FGF14: variants seen among roughly 807,000 people sequenced by gnomAD.
FGF14 encodes fibroblast growth factor homologous factor 4.
Under a neutral mutation model 25.5 loss-of-function variants are expected in FGF14, and 5 were observed. The ratio of observed to expected loss-of-function variants is 0.20; its 90% CI spans 0.10 to 0.41. The LOEUF (loss-of-function observed/expected upper bound fraction) is 0.41, where lower values mean the gene tolerates loss of function less well. Among genes scored for constraint, FGF14 ranks in the 10% least tolerant of loss-of-function variants. FGF14 has a pLI of 1.00. For missense variants in FGF14, 222 were observed against 320.1 expected (o/e 0.69, Z 2.34); for synonymous variants, 138 against 118.3 (o/e 1.17, Z -1.08).
At chr13:102,008,378 T>C (rs142375050) in intron 1 of FGF14, among the ~76,000 whole-genome samples, 1,813 of 152,334 alleles carry the variant, frequency 0.012, 18 homozygotes, top group Middle Eastern at 0.027. Context: ...CTGTTGACTG[T>C]TCATTTGATG....
intron 1 of FGF14, among the ~76,000 whole-genome samples, chr13:102,067,802 A>G (rs980914386): frequency 3.9e-5 from 6 of 152,100 alleles, no homozygotes; most frequent in South Asian, 2.1e-4. Context: ...ACTCAAGTAC[A>G]AGAAGGTTAT....
intron 1 of FGF14, among the ~76,000 whole-genome samples, chr13:102,071,384 A>C (rs1723216665): frequency 3.9e-5 from 6 of 152,202 alleles, no homozygotes; most frequent in African/African-American, 1.4e-4. Context: ...CTGATGCTTC[A>C]GCTATCTTCT....
intron 1 of FGF14, among the ~76,000 whole-genome samples, chr13:102,053,051 A>G (rs764596687): frequency 1.3e-5 from 2 of 152,124 alleles, no homozygotes; most frequent in Admixed American, 6.5e-5. Context: ...GCAAAAACCA[A>G]TAGTAGATGC....
intron 1 of FGF14, among the ~76,000 whole-genome samples, chr13:102,328,469 A>T (rs1031656475): frequency 1.3e-5 from 2 of 152,236 alleles, no homozygotes; most frequent in African/African-American, 2.4e-5. Context: ...ATTTTCCCAC[A>T]TAAAGCACAG....
chr13:102,266,234 T>C (rs1371445372), intron 1 of FGF14, among the ~76,000 whole-genome samples: 3 of 152,124 alleles, frequency 2.0e-5, no homozygotes, highest in Non-Finnish European at 4.4e-5. Flanking sequence ...TAAAGGTGAA[T>C]GACAAATATT....
intron 1 of FGF14, among the ~76,000 whole-genome samples, chr13:102,121,587 ATG>A (rs2045728199): frequency 6.6e-6 from 1 of 152,224 alleles, no homozygotes; most frequent in African/African-American, 2.4e-5. Flanking sequence ...GCCAATAACT[ATG>A]TGTTATAGAC....
At chr13:102,084,666 C>A (rs1235334522) in intron 1 of FGF14, among the ~76,000 whole-genome samples, 3 of 152,088 alleles carry the variant, frequency 2.0e-5, no homozygotes. Context: ...GTTGTTGAGG[C>A]AATCACAGAA....
At position 102,115,527 on chromosome 13, in the gene FGF14, TAATA is replaced by T. The variant is rs200290678; in HGVS notation, c.209-240235_209-240232del. On this transcript the variant is annotated intron_variant, in intron 1 of 4. Coordinates refer to the FGF14 transcript ENST00000376131. ...TGCTGACCACATGTAGGGCTTCTTTTAATAAGTGTCTGTTCATGTCCTTTGCCCA... is the reference window on the plus strand; with the variant it reads ...TGCTGACCACATGTAGGGCTTCTTTTAGTGTCTGTTCATGTCCTTTGCCCA... 5.8e-3 allele frequency among the ~76,000 whole-genome samples: 881 copies of T among 152,334 alleles called. 5 individuals carry two copies. Among genetic ancestry groups the T allele is most frequent in the African/African-American group, 0.018 (742 of 41,562 alleles).
At chr13:102,228,233 C>G (rs2050916133) in intron 1 of FGF14, among the ~76,000 whole-genome samples, 1 of 152,112 alleles carries the variant, frequency 6.6e-6, no homozygotes, top group Non-Finnish European at 1.5e-5. Context: ...TTTTTCTTCT[C>G]CACCAACACA....
At chr13:102,285,397 T>C (rs2054045163) in intron 1 of FGF14, among the ~76,000 whole-genome samples, 1 of 152,206 alleles carries the variant, frequency 6.6e-6, no homozygotes, top group African/African-American at 2.4e-5. Context: ...ATCCGTGAAT[T>C]TCAGGAATTA....
intron 1 of FGF14, among the ~76,000 whole-genome samples, chr13:101,936,377 T>G (rs1322712): frequency 0.26 from 39,314 of 152,136 alleles, 5,765 homozygotes; most frequent in East Asian, 0.52. Flanking sequence ...CTAAAGTCCA[T>G]ACCTTAGGCC....
chr13:102,091,194 A>C (rs2140243843), intron 1 of FGF14, among the ~76,000 whole-genome samples: 2 of 152,300 alleles, frequency 1.3e-5, no homozygotes, highest in South Asian at 4.2e-4. Context: ...GAAGTGTAAA[A>C]CAATAGCCAA....
intron 1 of FGF14, among the ~76,000 whole-genome samples, chr13:102,043,251 G>A (rs762073391): frequency 1.3e-5 from 2 of 152,068 alleles, no homozygotes; most frequent in Non-Finnish European, 2.9e-5. Context: ...GCAAAATGAA[G>A]CACCCAAGGT....
chr13:102,044,130 C>A (rs1209096106), intron 1 of FGF14, among the ~76,000 whole-genome samples: 1 of 152,128 alleles, frequency 6.6e-6, no homozygotes, highest in African/African-American at 2.4e-5. Flanking sequence ...GTGCTTTCCT[C>A]CACTTCATCT....
At chr13:102,178,999 A>G (rs1399996745) in intron 1 of FGF14, among the ~76,000 whole-genome samples, 1 of 152,116 alleles carries the variant, frequency 6.6e-6, no homozygotes, top group Non-Finnish European at 1.5e-5. Context: ...TCAGGGAATA[A>G]GGACATTAAA....
chr13:102,161,641 A>T (rs1294262136), intron 1 of FGF14, among the ~76,000 whole-genome samples: 671 of 14,666 alleles, frequency 0.046, 87 homozygotes, highest in African/African-American at 0.16. Flanking sequence ...GAAGAAGAAG[A>T]AGAAGAAGAA....
intron 1 of FGF14, among the ~76,000 whole-genome samples, chr13:102,276,376 T>G (rs1009286349): frequency 8.8e-6 from 1 of 113,518 alleles, no homozygotes; most frequent in Admixed American, 8.3e-5. Flanking sequence ...TATATATATA[T>G]ATATACACAT....
intron 3 of FGF14, among the ~76,000 whole-genome samples, chr13:101,748,941 AC>A (rs752100465): frequency 6.6e-6 from 1 of 152,046 alleles, no homozygotes; most frequent in Non-Finnish European, 1.5e-5. Flanking sequence ...GAATGAATAA[AC>A]AAAACTTGGT....
At chr13:101,906,361 G>T (rs1419673752) in intron 1 of FGF14, among the ~76,000 whole-genome samples, 1 of 152,088 alleles carries the variant, frequency 6.6e-6, no homozygotes, top group Non-Finnish European at 1.5e-5. Flanking sequence ...TGGCCAAATG[G>T]TAAGAGGAAT....
Sources: gnomAD v4.1 joint callset for allele counts (sites outside exome capture counted in the v4.1 genomes callset) on GRCh38, gnomAD v4.1.1 for gene constraint, MANE v1.5 for transcripts, NCBI Gene and HGNC (gene_info 2026-07-23, HGNC 2026-07-21) for gene names.